Variants in CDC14A observed in about 807,000 individuals in gnomAD.
CDC14A encodes cell division cycle 14A, also known as dual specificity protein phosphatase CDC14A.
A neutral mutation model predicts 74.4 loss-of-function variants in CDC14A; 53 were observed. The observed-to-expected ratio is 0.71, with a 90% CI of 0.57 to 0.89. The LOEUF (loss-of-function observed/expected upper bound fraction) is 0.89, where lower values mean the gene tolerates loss of function less well. Ranked by LOEUF, CDC14A falls within the 40% of genes least tolerant of loss-of-function variation. The pLI is 0.00. For missense variants in CDC14A, 646 were observed against 713.7 expected (o/e 0.91, Z 1.08); for synonymous variants, 247 against 258.4 (o/e 0.96, Z 0.43).
rs948740408 is a variant in CDC14A at position 100,519,891 on chromosome 1, A to G, written c.*1611A>G. 2.0e-5 allele frequency: 3 copies of G among 152,250 alleles called. No individual in the cohort carries two copies. The highest frequency in any genetic ancestry group is 4.4e-5 in the Non-Finnish European group (3 of 67,940). The allele number at this position is 152,250 out of a possible 1,614,324, so 9.4% of individuals were successfully genotyped here. A position where few individuals can be genotyped will look rare whatever the true frequency, so the allele number is the denominator to read the frequency against. On this transcript the variant is annotated 3_prime_UTR_variant, in exon 16 of 16. Coordinates refer to ENST00000336454, the MANE Select transcript of CDC14A (RefSeq NM_003672.4). The stretch of plus-strand genomic sequence containing the variant: ...GACAGTATTTTTTTCAAGTTATCAT[A>G]AAAAGTAATTCAGATGACATTTGAG...
At chr1:100,345,794 G>A (rs906665934) in intron 1 of CDC14A, among the ~76,000 whole-genome samples, 1 of 152,178 alleles carries the variant, frequency 6.6e-6, no homozygotes, top group Non-Finnish European at 1.5e-5. Flanking sequence ...AAATGAAACC[G>A]AACTATTAAC....
intron 3 of CDC14A, among the ~76,000 whole-genome samples, chr1:100,384,788 C>T (rs1408080771): frequency 1.3e-5 from 2 of 152,190 alleles, no homozygotes; most frequent in Non-Finnish European, 2.9e-5. Context: ...ATTTTGTCTT[C>T]TTTTAAATAT....
chr1:100,399,563 T>C (rs1344622115), intron 4 of CDC14A, among the ~76,000 whole-genome samples: 1 of 152,196 alleles, frequency 6.6e-6, no homozygotes, highest in South Asian at 2.1e-4. Flanking sequence ...CCTCATTGTT[T>C]TAGTAATCAT....
At chr1:100,345,804 C>A (rs1002642246) in intron 1 of CDC14A, among the ~76,000 whole-genome samples, 1 of 152,180 alleles carries the variant, frequency 6.6e-6, no homozygotes, top group African/African-American at 2.4e-5. Flanking sequence ...GAACTATTAA[C>A]TACTATTATT....
chr1:100,456,154 T>A (rs1666661119), intron 8 of CDC14A, among the ~76,000 whole-genome samples: 1 of 152,236 alleles, frequency 6.6e-6, no homozygotes, highest in Non-Finnish European at 1.5e-5. Flanking sequence ...GGTACAATTT[T>A]CTAGCTGACA....
intron 4 of CDC14A, among the ~76,000 whole-genome samples, chr1:100,397,300 T>C (rs963117926): frequency 1.3e-5 from 2 of 152,172 alleles, no homozygotes; most frequent in African/African-American, 4.8e-5. Flanking sequence ...CATTGTGACA[T>C]TGTGCTCCTT....
At chr1:100,402,500 A>G (rs1206697450) in intron 4 of CDC14A, among the ~76,000 whole-genome samples, 1 of 152,100 alleles carries the variant, frequency 6.6e-6, no homozygotes, top group African/African-American at 2.4e-5. Flanking sequence ...AATGTATTTG[A>G]TTGTGTTTAC....
chr1:100,410,700 C>T (rs1266498735), intron 4 of CDC14A, among the ~76,000 whole-genome samples: 1 of 152,194 alleles, frequency 6.6e-6, no homozygotes, highest in Non-Finnish European at 1.5e-5. Context: ...TTAGACTTTA[C>T]ACATGTGTAC....
At position 100,389,460 on chromosome 1, in the gene CDC14A, A is replaced by ATAT. The variant is rs1470702566; in HGVS notation, c.217-1272_217-1271insTAT. Among the ~76,000 whole-genome samples the ATAT allele has an allele frequency of 4.3e-3, 545 of 125,542 alleles. 6 individuals are homozygous for ATAT. The highest frequency in any genetic ancestry group is 0.027 in the African/African-American group (517 of 18,892). 82.4% of individuals were successfully genotyped at this position (125,542 alleles called of 152,430 possible). A position where few individuals can be genotyped will look rare whatever the true frequency, so the allele number is the denominator to read the frequency against. ...AAGCGAGAATCTGTCTCAAAAAAAA[A>ATAT]AAATATATATATATGTGTATATATA... On this transcript the variant is annotated intron_variant, in intron 3 of 15. Coordinates refer to ENST00000336454, the MANE Select transcript of CDC14A (RefSeq NM_003672.4).
At chr1:100,506,955 C>T (rs141867335) in intron 15 of CDC14A, among the ~76,000 whole-genome samples, 2 of 152,312 alleles carry the variant, frequency 1.3e-5, no homozygotes, top group African/African-American at 4.8e-5. Context: ...GCGAGAGGAT[C>T]ACTTGAGGTC....
At chr1:100,351,826 C>A, upstream of CDC14A, 1 of 1,541,070 alleles carries the variant, frequency 6.5e-7, no homozygotes. Flanking sequence ...TAGAGGAAAC[C>A]AATACATGTA....
chr1:100,426,021 A>G (rs2101085034), intron 5 of CDC14A, among the ~76,000 whole-genome samples: 1 of 152,286 alleles, frequency 6.6e-6, no homozygotes, highest in South Asian at 2.1e-4. Context: ...TAAACTAAGG[A>G]TCAAATGAAG....
intron 4 of CDC14A, among the ~76,000 whole-genome samples, chr1:100,407,507 G>C (rs913589717): frequency 6.6e-6 from 1 of 152,108 alleles, no homozygotes; most frequent in Non-Finnish European, 1.5e-5. Context: ...CTGCTTGCCT[G>C]TTGTTGGGGT....
chr1:100,396,286 G>A (rs775417351), intron 4 of CDC14A, among the ~76,000 whole-genome samples: 13 of 152,224 alleles, frequency 8.5e-5, no homozygotes, highest in Non-Finnish European at 1.8e-4. Context: ...AGGATGGCCA[G>A]TGTGGAGTGG....
intron 5 of CDC14A, among the ~76,000 whole-genome samples, chr1:100,430,655 A>G (rs879571048): frequency 6.6e-6 from 1 of 152,198 alleles, no homozygotes; most frequent in African/African-American, 2.4e-5. Context: ...GTGCTGGTAG[A>G]CGTTAGATGT....
intron 4 of CDC14A, among the ~76,000 whole-genome samples, chr1:100,400,671 G>C (rs1369390733): frequency 6.6e-6 from 1 of 152,078 alleles, no homozygotes; most frequent in Non-Finnish European, 1.5e-5. Context: ...AACAGATCAG[G>C]CTCCTTAAAC....
intron 13 of CDC14A, 72 bp from the exon 14 acceptor site, chr1:100,498,013 G>A: frequency 6.8e-7 from 1 of 1,472,346 alleles, no homozygotes; most frequent in Non-Finnish European, 9.3e-7. Flanking sequence ...AATTTATCTT[G>A]TCCTAGTTAG....
Position 100,518,503 on chromosome 1 carries a change from C to T in CDC14A, c.*223C>T. 2.2e-6 allele frequency: 1 copy of T among 455,296 alleles called. No homozygotes were observed. Among genetic ancestry groups the T allele is most frequent in the Non-Finnish European group, 4.0e-6 (1 of 252,606 alleles). 28.2% of individuals were successfully genotyped at this position (455,296 alleles called of 1,614,324 possible). On this transcript the variant is annotated 3_prime_UTR_variant, in exon 16 of 16. Coordinates refer to ENST00000336454, the MANE Select transcript of CDC14A (RefSeq NM_003672.4). Reference sequence around the variant, plus strand: ...AACTATGTTTATGGAGATTTCCATACTTTTAAAGACAGTTTTAATGTTGAA... The same window carrying T: ...AACTATGTTTATGGAGATTTCCATATTTTTAAAGACAGTTTTAATGTTGAA...
At chr1:100,452,369 G>A (rs967819411) in intron 7 of CDC14A, among the ~76,000 whole-genome samples, 1 of 152,030 alleles carries the variant, frequency 6.6e-6, no homozygotes, top group Non-Finnish European at 1.5e-5. Context: ...AAAATTAGTC[G>A]GGCCTGGTGG....
Sources: allele counts gnomAD v4.1 joint callset (sites outside exome capture counted in the v4.1 genomes callset), GRCh38; gene constraint gnomAD v4.1.1; transcripts MANE v1.5; gene names NCBI Gene and HGNC (gene_info 2026-07-23, HGNC 2026-07-21).